Variants in BCL2L11 observed in about 807,000 individuals in gnomAD.
BCL2L11 encodes the protein bcl-2-like protein 11.
BCL2L11 carries 15 observed loss-of-function variants against 20.6 expected under a neutral mutation model. That is an observed-to-expected ratio of 0.73 (90% CI 0.49 to 1.12). The LOEUF (loss-of-function observed/expected upper bound fraction) is 1.12. BCL2L11 is among the 50% of genes most tolerant of loss of function. The probability of loss-of-function intolerance (pLI) is 0.00; values close to 1 mark genes in which losing one functional copy is unlikely to be tolerated. For synonymous variants in BCL2L11, 108 were observed against 92.8 expected, an observed-to-expected ratio of 1.16 and a Z score of -0.94; for missense variants, 292 against 260.9, an observed-to-expected ratio of 1.12 and a Z score of -0.82.
chr2:111,122,764 G>T, intron 1 of BCL2L11: 1 of 985,414 alleles, frequency 1.0e-6, no homozygotes. Flanking sequence ...CGCGGGCTTT[G>T]CGCTGCGCCG....
intron 3 of BCL2L11, chr2:111,163,574 G>A (rs1211935748): frequency 1.3e-5 from 2 of 152,888 alleles, no homozygotes; most frequent in African/African-American, 4.8e-5. Context: ...ATACCGAGAA[G>A]GTGGGAGGAT....
chr2:111,164,332 C>T lies in BCL2L11; in HGVS notation c.*101C>T, dbSNP rs562014378. On this transcript the variant is annotated 3_prime_UTR_variant, in exon 4 of 4. Coordinates refer to ENST00000393256, the MANE Select transcript of BCL2L11 (RefSeq NM_138621.5). ...CCTGGTGCCATTATTATGCAGCCAG[C>T]GGTTCTCTTGTGGAGGGGGCAGGTG... The T allele has an allele frequency of 3.6e-5, 32 of 879,228 alleles. No homozygotes were observed. Among genetic ancestry groups the T allele is most frequent in the African/African-American group, 1.5e-4 (9 of 60,524 alleles). 54.5% of individuals were successfully genotyped at this position (879,228 alleles called of 1,614,324 possible).
At chr2:111,123,053 CG>C in intron 1 of BCL2L11, 1 of 974,662 alleles carries the variant, frequency 1.0e-6, no homozygotes, top group Non-Finnish European at 1.2e-6. Flanking sequence ...CGCCCTCCGC[CG>C]CCCCCTCCCC....
Position 111,166,781 on chromosome 2 carries a change from C to G in BCL2L11, c.*2550C>G, listed in dbSNP as rs578167948. The G allele has an allele frequency of 6.6e-6, 1 of 152,280 alleles. No individual in the cohort carries two copies. The allele number at this position is 152,280 out of a possible 1,614,324, so 9.4% of individuals were successfully genotyped here. A position where few individuals can be genotyped will look rare whatever the true frequency, so the allele number is the denominator to read the frequency against. ...TCAAGAATTTTGGGGGTGGGGGTTG[C>G]GGAGAAATCAAGTTTAAAATTCCTT... On this transcript the variant is annotated 3_prime_UTR_variant, in exon 4 of 4. Coordinates refer to ENST00000393256, the MANE Select transcript of BCL2L11 (RefSeq NM_138621.5).
chr2:111,122,071 ATGGTCGCGGACGTGCG>A (rs2071113768), intron 1 of BCL2L11, among the ~76,000 whole-genome samples: 1 of 151,684 alleles, frequency 6.6e-6, no homozygotes, highest in African/African-American at 2.4e-5. Flanking sequence ...AATTTACTCG[ATGGTCGCGGACGTGCG>A]CGTCCGCGGC....
chr2:111,128,845 A>G (rs1015336329), intron 2 of BCL2L11: 1 of 1,425,926 alleles, frequency 7.0e-7, no homozygotes, highest in East Asian at 2.6e-5. Flanking sequence ...TTTAATATTG[A>G]CTTTCTCTGT....
At chr2:111,154,305 A>G (rs2077572743) in intron 3 of BCL2L11, among the ~76,000 whole-genome samples, 1 of 151,394 alleles carries the variant, frequency 6.6e-6, no homozygotes, top group Admixed American at 6.6e-5. Flanking sequence ...TATCTGATCT[A>G]TGGACCTTAT....
intron 3 of BCL2L11, among the ~76,000 whole-genome samples, chr2:111,159,170 C>T (rs982005467): frequency 6.6e-6 from 1 of 152,192 alleles, no homozygotes; most frequent in East Asian, 1.9e-4. Context: ...ACAGGGTGTG[C>T]GAGGAGGGAA....
chr2:111,128,557 A>G (rs947617549), intron 2 of BCL2L11: 1 of 1,429,168 alleles, frequency 7.0e-7, no homozygotes, highest in Non-Finnish European at 9.1e-7. Context: ...TTACATTCCC[A>G]CCAACAGGGC....
intron 2 of BCL2L11, among the ~76,000 whole-genome samples, chr2:111,135,585 A>G (rs908849329): frequency 6.6e-6 from 1 of 151,942 alleles, no homozygotes. Context: ...CCCACTTTCT[A>G]CTACCTGATT....
At chr2:111,160,883 A>T (rs1415041960) in intron 3 of BCL2L11, among the ~76,000 whole-genome samples, 1 of 152,262 alleles carries the variant, frequency 6.6e-6, no homozygotes, top group Non-Finnish European at 1.5e-5. Context: ...GACTGAGAGC[A>T]TCAGTGAAAG....
chr2:111,157,012 C>G (rs1428966453), intron 3 of BCL2L11, among the ~76,000 whole-genome samples: 1 of 152,212 alleles, frequency 6.6e-6, no homozygotes, highest in African/African-American at 2.4e-5. Flanking sequence ...ACTGCACATG[C>G]TGTGTCTGGG....
In BCL2L11 at chr2:111,166,936, GTTTCC is replaced by G. The variant is rs1369692123; in HGVS notation, c.*2709_*2713del. ...GAGCCAAATGTCTGTGTGCAATTGT[GTTTCC>G]TTTACCTTGTAAAATTTTGTACAGC... On this transcript the variant is annotated 3_prime_UTR_variant, in exon 4 of 4. Transcript: ENST00000393256. 6.6e-6 allele frequency: 1 copy of G among 152,578 alleles called. No individual in the cohort carries two copies. Among genetic ancestry groups the G allele is most frequent in the Non-Finnish European group, 1.5e-5 (1 of 68,024 alleles). The allele number at this position is 152,578 out of a possible 1,614,324, so 9.5% of individuals were successfully genotyped here.
At chr2:111,151,286 G>T (rs1375246624) in intron 3 of BCL2L11, among the ~76,000 whole-genome samples, 1 of 152,110 alleles carries the variant, frequency 6.6e-6, no homozygotes, top group Non-Finnish European at 1.5e-5. Context: ...CCGCTAAAGG[G>T]TACACTAGCA....
intron 3 of BCL2L11, among the ~76,000 whole-genome samples, chr2:111,153,464 T>G (rs1575160850): frequency 6.6e-6 from 1 of 152,188 alleles, no homozygotes; most frequent in Non-Finnish European, 1.5e-5. Context: ...TTGATACTTG[T>G]TAGATTAAAA....
intron 3 of BCL2L11, among the ~76,000 whole-genome samples, chr2:111,161,822 T>C (rs567964937): frequency 6.6e-6 from 1 of 152,324 alleles, no homozygotes; most frequent in South Asian, 2.1e-4. Flanking sequence ...CCTGACCCTT[T>C]ATACCACCCC....
intron 2 of BCL2L11, among the ~76,000 whole-genome samples, chr2:111,149,017 G>T (rs2076925242): frequency 6.6e-6 from 1 of 152,170 alleles, no homozygotes; most frequent in South Asian, 2.1e-4. Flanking sequence ...CGTAATATGT[G>T]TGTTTAATTG....
chr2:111,164,059 T>C, intron 3 of BCL2L11, 74 bp from the exon 4 acceptor site: 1 of 929,390 alleles, frequency 1.1e-6, no homozygotes. Context: ...GGTTGTTCAC[T>C]TAAATATGGG....
chr2:111,130,615 G>A (rs553638642), intron 2 of BCL2L11, among the ~76,000 whole-genome samples: 35 of 152,278 alleles, frequency 2.3e-4, no homozygotes, highest in African/African-American at 7.9e-4. Context: ...TTGCCCAGTT[G>A]CACCAGCTAG....
Sources: gnomAD v4.1 joint callset for allele counts (sites outside exome capture counted in the v4.1 genomes callset) on GRCh38, gnomAD v4.1.1 for gene constraint, MANE v1.5 for transcripts, NCBI Gene and HGNC (gene_info 2026-07-23, HGNC 2026-07-21) for gene names.